The following CACNA2D3 variants were observed in gnomAD, a reference collection of about 807,000 sequenced individuals.
The protein encoded by CACNA2D3 is voltage-dependent calcium channel subunit alpha-2/delta-3.
Under a neutral mutation model 160.6 loss-of-function variants are expected in CACNA2D3, and 60 were observed. The ratio of observed to expected loss-of-function variants is 0.37; its 90% CI spans 0.30 to 0.46. The LOEUF (loss-of-function observed/expected upper bound fraction) is 0.46. Ranked by LOEUF, CACNA2D3 falls within the 20% of genes least tolerant of loss-of-function variation. The pLI, the probability that CACNA2D3 is intolerant of heterozygous loss-of-function variation, is 1.00. For synonymous variants in CACNA2D3, 558 were observed against 492.9 expected (o/e 1.13, Z -1.75); for missense variants, 1,205 against 1,365.0 (o/e 0.88, Z 1.85).
At chr3:54,222,342 G>T (rs1367236779) in intron 2 of CACNA2D3, among the ~76,000 whole-genome samples, 1 of 152,210 alleles carries the variant, frequency 6.6e-6, no homozygotes, top group East Asian at 1.9e-4. Flanking sequence ...TGATGTTTCA[G>T]TTCAAGTGTG....
rs55896490 is a variant in CACNA2D3, at chr3:55,074,391, T to TATC, written c.*189_*191dup. On this transcript the variant is annotated 3_prime_UTR_variant, in exon 38 of 38. Coordinates refer to ENST00000474759, the MANE Select transcript of CACNA2D3 (RefSeq NM_018398.3). ...AAAGATATGTTGACAAAAAGTTATC[T>TATC]ATCATCTTTTTACTTTGCCAGTCAT... The TATC allele has an allele frequency of 7.8e-4, 397 of 508,490 alleles. No homozygotes were observed. Among genetic ancestry groups the TATC allele is most frequent in the African/African-American group, 6.7e-3 (298 of 44,472 alleles). The allele number at this position is 508,490 out of a possible 1,614,324, so 31.5% of individuals were successfully genotyped here.
chr3:54,712,652 T>G (rs932958888), intron 11 of CACNA2D3, among the ~76,000 whole-genome samples: 3 of 152,200 alleles, frequency 2.0e-5, no homozygotes, highest in African/African-American at 7.2e-5. Flanking sequence ...AATTGCCCAG[T>G]CTTGGGTATG....
chr3:54,547,828 G>A (rs1380797479), intron 5 of CACNA2D3, among the ~76,000 whole-genome samples: 4 of 151,750 alleles, frequency 2.6e-5, no homozygotes, highest in Non-Finnish European at 5.9e-5. Context: ...AGGACTACAG[G>A]GATCCACCAC....
intron 35 of CACNA2D3, among the ~76,000 whole-genome samples, chr3:55,036,781 G>A (rs991357478): frequency 6.6e-6 from 1 of 152,138 alleles, no homozygotes; most frequent in Non-Finnish European, 1.5e-5. Context: ...TTATTTTTAA[G>A]ACAGTCACTA....
chr3:54,482,457 A>T (rs926160708), intron 4 of CACNA2D3, among the ~76,000 whole-genome samples: 1 of 152,172 alleles, frequency 6.6e-6, no homozygotes, highest in Non-Finnish European at 1.5e-5. Context: ...AAGCAGGGAG[A>T]TCTGAATGTG....
intron 13 of CACNA2D3, among the ~76,000 whole-genome samples, chr3:54,782,394 C>G (rs915500110): frequency 6.6e-6 from 1 of 152,156 alleles, no homozygotes; most frequent in Non-Finnish European, 1.5e-5. Flanking sequence ...TTGTTTAGCA[C>G]TATGCCACGC....
intron 27 of CACNA2D3, among the ~76,000 whole-genome samples, chr3:54,942,493 C>G (rs1009410844): frequency 1.3e-5 from 2 of 152,208 alleles, no homozygotes; most frequent in African/African-American, 4.8e-5. Context: ...TTATATGCTC[C>G]TCTTAATGCA....
intron 13 of CACNA2D3, among the ~76,000 whole-genome samples, chr3:54,772,500 GA>G (rs5849059): frequency 0.24 from 35,980 of 151,810 alleles, 4,370 homozygotes; most frequent in East Asian, 0.39. Flanking sequence ...TCTAGAATCA[GA>G]AACTGACAAA....
chr3:54,201,407 C>T (rs961836220), intron 2 of CACNA2D3, among the ~76,000 whole-genome samples: 3 of 152,068 alleles, frequency 2.0e-5, no homozygotes, highest in African/African-American at 4.8e-5. Context: ...TTGGAAGTTA[C>T]GGTAACAAAA....
chr3:54,258,190 C>T (rs1702336248), intron 2 of CACNA2D3, among the ~76,000 whole-genome samples: 2 of 152,074 alleles, frequency 1.3e-5, no homozygotes, highest in Non-Finnish European at 2.9e-5. Flanking sequence ...AATGGTAATA[C>T]TTTTTGTTTT....
chr3:54,167,731 G>A (rs978830990), intron 2 of CACNA2D3, among the ~76,000 whole-genome samples: 2 of 152,208 alleles, frequency 1.3e-5, no homozygotes, highest in Non-Finnish European at 2.9e-5. Context: ...GGAATAGTGA[G>A]GTCCTTGTCA....
At chr3:54,848,791 G>GCTCCC in intron 17 of CACNA2D3, among the ~76,000 whole-genome samples, 1 of 152,278 alleles carries the variant, frequency 6.6e-6, no homozygotes, top group African/African-American at 2.4e-5. Context: ...AATCACACAG[G>GCTCCC]CTCCCTGAGC....
chr3:54,607,484 C>T (rs532079669), intron 9 of CACNA2D3, among the ~76,000 whole-genome samples: 5 of 152,152 alleles, frequency 3.3e-5, no homozygotes, highest in South Asian at 2.1e-4. Flanking sequence ...ATATATCCCC[C>T]GGCAAGACTC....
intron 23 of CACNA2D3, among the ~76,000 whole-genome samples, chr3:54,886,826 TA>T (rs112115656): frequency 0.023 from 3,470 of 152,128 alleles, 126 homozygotes; most frequent in African/African-American, 0.079. Flanking sequence ...GTTGATCATT[TA>T]GCTTTAACGC....
At chr3:54,785,571 T>C (rs1007847613) in intron 13 of CACNA2D3, among the ~76,000 whole-genome samples, 7 of 152,224 alleles carry the variant, frequency 4.6e-5, no homozygotes, top group Non-Finnish European at 8.8e-5. Flanking sequence ...GTAAATTGCT[T>C]CTCTTTGTCT....
chr3:54,677,628 G>A, intron 11 of CACNA2D3, among the ~76,000 whole-genome samples: 1 of 147,468 alleles, frequency 6.8e-6, no homozygotes. Context: ...TTTGGGGGGG[G>A]GGCAACGTAC....
chr3:54,585,609 A>G (rs760048597), intron 9 of CACNA2D3, among the ~76,000 whole-genome samples: 4 of 151,114 alleles, frequency 2.6e-5, no homozygotes, highest in Non-Finnish European at 5.9e-5. Flanking sequence ...CCTCACAATC[A>G]TGGCAGAAGG....
intron 2 of CACNA2D3, among the ~76,000 whole-genome samples, chr3:54,224,664 C>T (rs1293928254): frequency 2.0e-5 from 3 of 152,140 alleles, no homozygotes; most frequent in Non-Finnish European, 4.4e-5. Context: ...CTTCTTTTGC[C>T]TCTCTCTTGT....
intron 3 of CACNA2D3, among the ~76,000 whole-genome samples, chr3:54,354,743 C>G (rs971745732): frequency 2.0e-5 from 3 of 152,210 alleles, no homozygotes; most frequent in Non-Finnish European, 2.9e-5. Flanking sequence ...TGCTGGACCC[C>G]TTGGGCTACT....
Sources: allele counts gnomAD v4.1 joint callset (sites outside exome capture counted in the v4.1 genomes callset), GRCh38; gene constraint gnomAD v4.1.1; transcripts MANE v1.5; gene names NCBI Gene and HGNC (gene_info 2026-07-23, HGNC 2026-07-21).